KCNJ6: variants seen among roughly 807,000 people sequenced by gnomAD.
KCNJ6 encodes the protein potassium inwardly rectifying channel subfamily J member 6.
Under a neutral mutation model 34.2 loss-of-function variants are expected in KCNJ6, and 9 were observed. The observed-to-expected ratio is 0.26, with a 90% CI of 0.16 to 0.46. The LOEUF (loss-of-function observed/expected upper bound fraction) is 0.46, where lower values mean the gene tolerates loss of function less well. KCNJ6 is among the 20% of genes least tolerant of loss of function. The pLI, the probability that KCNJ6 is intolerant of heterozygous loss-of-function variation, is 1.00. For missense variants in KCNJ6, 236 were observed against 531.3 expected (o/e 0.44, Z 5.46); for synonymous variants, 196 against 207.1 (o/e 0.95, Z 0.46).
chr21:37,707,640 G>A (rs1174976772), intron 3 of KCNJ6, among the ~76,000 whole-genome samples: 1 of 151,008 alleles, frequency 6.6e-6, no homozygotes, highest in South Asian at 2.1e-4. Context: ...GGTTATAAGT[G>A]GGTGGGTGTG....
At chr21:37,885,619 C>T (rs950765076) in intron 1 of KCNJ6, among the ~76,000 whole-genome samples, 6 of 152,180 alleles carry the variant, frequency 3.9e-5, no homozygotes, top group African/African-American at 9.7e-5. Flanking sequence ...GGCACTGAGA[C>T]AGCAGTCCCA....
chr21:37,740,731 T>C (rs952290040), intron 2 of KCNJ6, among the ~76,000 whole-genome samples: 1 of 152,242 alleles, frequency 6.6e-6, no homozygotes, highest in Non-Finnish European at 1.5e-5. Flanking sequence ...ATTGACATTC[T>C]TCTGCCATTC....
At chr21:37,762,661 C>T (rs1414774497) in intron 2 of KCNJ6, among the ~76,000 whole-genome samples, 3 of 152,310 alleles carry the variant, frequency 2.0e-5, no homozygotes, top group African/African-American at 2.4e-5. Context: ...GGGCTCACCA[C>T]GATGACATGG....
At chr21:37,691,849 G>A (rs1444420588) in intron 3 of KCNJ6, among the ~76,000 whole-genome samples, 3 of 152,058 alleles carry the variant, frequency 2.0e-5, no homozygotes, top group East Asian at 3.9e-4. Flanking sequence ...ATAGTGACAG[G>A]GACATGAACA....
At chr21:37,795,875 A>G (rs1305040086) in intron 2 of KCNJ6, among the ~76,000 whole-genome samples, 1 of 152,186 alleles carries the variant, frequency 6.6e-6, no homozygotes, top group African/African-American at 2.4e-5. Flanking sequence ...TATTATGCCC[A>G]TCTTACAGAT....
At chr21:37,742,681 G>C (rs1487791672) in intron 2 of KCNJ6, among the ~76,000 whole-genome samples, 1 of 152,180 alleles carries the variant, frequency 6.6e-6, no homozygotes, top group Non-Finnish European at 1.5e-5. Context: ...TGCTGTGGCA[G>C]TCACCATATC....
chr21:37,764,674 G>A (rs116825084), intron 2 of KCNJ6, among the ~76,000 whole-genome samples: 1 of 152,326 alleles, frequency 6.6e-6, no homozygotes, highest in African/African-American at 2.4e-5. Flanking sequence ...CACCGAGCTT[G>A]GCCAGAAATT....
intron 1 of KCNJ6, among the ~76,000 whole-genome samples, chr21:37,902,998 T>C (rs1423747408): frequency 2.6e-5 from 4 of 152,314 alleles, no homozygotes; most frequent in South Asian, 4.1e-4. Flanking sequence ...CCATTTTTTT[T>C]CCTCTCTCTT....
chr21:37,669,219 C>A (rs1380264028), intron 3 of KCNJ6, among the ~76,000 whole-genome samples: 1 of 152,212 alleles, frequency 6.6e-6, no homozygotes, highest in Non-Finnish European at 1.5e-5. Flanking sequence ...AGGCACCCCC[C>A]CACCTTCCAG....
chr21:37,759,426 T>G (rs1343820775), intron 2 of KCNJ6, among the ~76,000 whole-genome samples: 2 of 152,198 alleles, frequency 1.3e-5, no homozygotes, highest in African/African-American at 4.8e-5. Context: ...TCTCCATCCC[T>G]GTTACAGCAG....
rs987795412 is a variant in KCNJ6 at position 37,610,188 on chromosome 21, G to A, written c.*14971C>T. Reference sequence around the variant, plus strand: ...GGTACAGTCTAGAACTGATGGTGGTGTAGGTTGGAATGGATACTAGAATTA... The same window carrying A: ...GGTACAGTCTAGAACTGATGGTGGTATAGGTTGGAATGGATACTAGAATTA... On this transcript the variant is annotated 3_prime_UTR_variant, in exon 4 of 4. Transcript: ENST00000609713. The A allele has an allele frequency of 6.6e-6, 1 of 152,288 alleles. No individual in the cohort carries two copies. Among genetic ancestry groups the A allele is most frequent in the Admixed American group, 6.5e-5 (1 of 15,306 alleles). 9.4% of individuals were successfully genotyped at this position (152,288 alleles called of 1,614,324 possible). A position where few individuals can be genotyped will look rare whatever the true frequency, so the allele number is the denominator to read the frequency against.
At chr21:37,635,500 G>A (rs1220063260) in intron 3 of KCNJ6, among the ~76,000 whole-genome samples, 1 of 151,230 alleles carries the variant, frequency 6.6e-6, no homozygotes, top group Non-Finnish European at 1.5e-5. Flanking sequence ...TTACAGGTGT[G>A]AGCCACCGCA....
chr21:37,694,968 C>A (rs1001912573), intron 3 of KCNJ6, among the ~76,000 whole-genome samples: 3 of 152,238 alleles, frequency 2.0e-5, no homozygotes, highest in Non-Finnish European at 4.4e-5. Context: ...CTATCTGGGA[C>A]TTCCAGCCTC....
intron 2 of KCNJ6, among the ~76,000 whole-genome samples, chr21:37,774,475 A>G (rs2055132409): frequency 6.6e-6 from 1 of 151,948 alleles, no homozygotes; most frequent in Non-Finnish European, 1.5e-5. Flanking sequence ...CATTAGGTAT[A>G]TCTCCTAATG....
chr21:37,775,699 C>T (rs1441357746), intron 2 of KCNJ6, among the ~76,000 whole-genome samples: 2 of 151,964 alleles, frequency 1.3e-5, no homozygotes, highest in Admixed American at 6.6e-5. Context: ...TGTTCTGTTC[C>T]GTTGGTCTAT....
At chr21:37,653,530 G>C (rs746164375) in intron 3 of KCNJ6, among the ~76,000 whole-genome samples, 8 of 152,196 alleles carry the variant, frequency 5.3e-5, no homozygotes, top group Non-Finnish European at 1.0e-4. Flanking sequence ...GGTGAATGAT[G>C]ATGGAAGCAA....
chr21:37,667,137 G>T, intron 3 of KCNJ6, among the ~76,000 whole-genome samples: 1 of 51,266 alleles, frequency 2.0e-5, no homozygotes, highest in Non-Finnish European at 3.5e-5. Flanking sequence ...AAACACCCAA[G>T]AATGAGCAAT....
rs569588378 is a variant in KCNJ6, at chr21:37,659,100, C to T, written c.947-33616G>A. 1.4e-3 allele frequency among the ~76,000 whole-genome samples: 220 copies of T among 152,354 alleles called. 1 individual carries two copies. Among genetic ancestry groups the T allele is most frequent in the African/African-American group, 4.9e-3 (205 of 41,584 alleles). On this transcript the variant is annotated intron_variant, in intron 3 of 3. Transcript: ENST00000609713. Reference sequence around the variant, plus strand: ...TTGTAAGGGCTTCAGTTGCTAAGAACTTACTGCACCTGTGTCAAAACTGTG... The same window carrying T: ...TTGTAAGGGCTTCAGTTGCTAAGAATTTACTGCACCTGTGTCAAAACTGTG...
chr21:37,615,562 A>G lies in KCNJ6; in HGVS notation c.*9597T>C, dbSNP rs981306898. The G allele has an allele frequency of 1.3e-5, 2 of 152,174 alleles. No homozygotes were observed. Among genetic ancestry groups the G allele is most frequent in the African/African-American group, 4.8e-5 (2 of 41,438 alleles). 9.4% of individuals were successfully genotyped at this position (152,174 alleles called of 1,614,324 possible). ...AAATTCCACTTTACCTTTTATGCCA[A>G]TATAGGGGAGTCTATTCTCAAGTTC... On this transcript the variant is annotated 3_prime_UTR_variant, in exon 4 of 4. Transcript: ENST00000609713.
Sources: allele counts gnomAD v4.1 joint callset (sites outside exome capture counted in the v4.1 genomes callset), GRCh38; gene constraint gnomAD v4.1.1; transcripts MANE v1.5; gene names NCBI Gene and HGNC (gene_info 2026-07-23, HGNC 2026-07-21).